The following CLNK variants were observed in gnomAD, a reference collection of about 807,000 sequenced individuals.
CLNK encodes cytokine-dependent hematopoietic cell linker.
Under a neutral mutation model 68.6 loss-of-function variants are expected in CLNK, and 74 were observed. That is an observed-to-expected ratio of 1.08 (90% confidence interval 0.89 to 1.31). CLNK has a LOEUF of 1.31. CLNK is among the 50% of genes most tolerant of loss of function. CLNK has a pLI of 0.00. For synonymous variants in CLNK, 198 were observed against 172.2 expected (o/e 1.15, Z -1.17); for missense variants, 553 against 515.3 (o/e 1.07, Z -0.71).
At chr4:10,538,305 T>C (rs1326273802) in intron 11 of CLNK, among the ~76,000 whole-genome samples, 1 of 152,196 alleles carries the variant, frequency 6.6e-6, no homozygotes. Context: ...AGTTTCTGTA[T>C]TTTTGTAGAG....
At position 10,490,464 on chromosome 4, in the gene CLNK, AG is replaced by A. The variant is rs578106001; in HGVS notation, c.*2del. 1.1e-4 allele frequency: 174 copies of A among 1,612,830 alleles called. No individual in the cohort carries two copies. In the African/African-American group the frequency reaches 1.8e-3, roughly 17 times the overall value. The stretch of plus-strand genomic sequence containing the variant: ...GTAAACCAAAGATAACACAAAGACC[AG>A]GCTACAGAGGCAAGAGGTGTCTGGT... On this transcript the variant is annotated 3_prime_UTR_variant, in exon 19 of 19. Transcript: ENST00000226951.
At chr4:10,646,353 A>G (rs767137478) in intron 2 of CLNK, among the ~76,000 whole-genome samples, 3 of 152,228 alleles carry the variant, frequency 2.0e-5, no homozygotes, top group Non-Finnish European at 2.9e-5. Flanking sequence ...TGTAAGGTTA[A>G]GGTTTATTTT....
At chr4:10,495,795 AGAGC>A (rs1435831081) in intron 18 of CLNK, among the ~76,000 whole-genome samples, 4 of 149,442 alleles carry the variant, frequency 2.7e-5, no homozygotes, top group Non-Finnish European at 5.9e-5. Context: ...GACCATAGAG[AGAGC>A]GATGAGGAGA....
intron 2 of CLNK, among the ~76,000 whole-genome samples, chr4:10,662,778 AG>A (rs1163787583): frequency 6.6e-6 from 1 of 152,254 alleles, no homozygotes; most frequent in Non-Finnish European, 1.5e-5. Context: ...GTAGCAAGTT[AG>A]TGCTGGGTGT....
intron 2 of CLNK, among the ~76,000 whole-genome samples, chr4:10,659,018 C>T (rs1261721206): frequency 6.6e-6 from 1 of 152,150 alleles, no homozygotes; most frequent in Non-Finnish European, 1.5e-5. Flanking sequence ...ACCCAGCCAA[C>T]ATGGTGAAAC....
chr4:10,637,072 G>T (rs923318927), intron 2 of CLNK, among the ~76,000 whole-genome samples: 3 of 152,202 alleles, frequency 2.0e-5, no homozygotes, highest in African/African-American at 7.2e-5. Context: ...TGCAGAGGCT[G>T]CTAAGAAGGA....
At chr4:10,534,079 G>A (rs1718652106) in intron 11 of CLNK, among the ~76,000 whole-genome samples, 1 of 152,138 alleles carries the variant, frequency 6.6e-6, no homozygotes, top group South Asian at 2.1e-4. Context: ...TGAGTTGGTT[G>A]AACATTTGTT....
chr4:10,731,772 C>A, the CLNK span, among the ~76,000 whole-genome samples: 1 of 152,178 alleles, frequency 6.6e-6, no homozygotes, highest in Non-Finnish European at 1.5e-5. Flanking sequence ...GTAGTAGTAT[C>A]AGTTACTGTT....
the CLNK span, among the ~76,000 whole-genome samples, chr4:10,698,097 G>C: frequency 6.6e-6 from 1 of 152,146 alleles, no homozygotes; most frequent in South Asian, 2.1e-4. Context: ...CTTTATGAGA[G>C]GTGAACATCC....
intron 2 of CLNK, among the ~76,000 whole-genome samples, chr4:10,664,674 T>C (rs1402681418): frequency 6.6e-6 from 1 of 152,212 alleles, no homozygotes; most frequent in Non-Finnish European, 1.5e-5. Context: ...GGCTGGGCTG[T>C]AGCAGCTGAG....
the CLNK span, among the ~76,000 whole-genome samples, chr4:10,721,934 T>C: frequency 2.6e-5 from 4 of 152,112 alleles, no homozygotes; most frequent in Non-Finnish European, 5.9e-5. Context: ...CCCAGCACTT[T>C]TAGAGGACAA....
intron 2 of CLNK, among the ~76,000 whole-genome samples, chr4:10,664,202 G>C (rs555172910): frequency 8.8e-5 from 13 of 148,292 alleles, no homozygotes; most frequent in Non-Finnish European, 1.5e-5. Flanking sequence ...ACTGGATGTA[G>C]ATTACATTCA....
chr4:10,573,479 C>A (rs571993122), intron 4 of CLNK, among the ~76,000 whole-genome samples: 3 of 152,284 alleles, frequency 2.0e-5, no homozygotes, highest in African/African-American at 7.2e-5. Context: ...CCACTGAGAT[C>A]CCTGGCAGAG....
intron 7 of CLNK, among the ~76,000 whole-genome samples, chr4:10,559,708 C>T (rs1043947285): frequency 2.6e-5 from 4 of 152,172 alleles, no homozygotes; most frequent in African/African-American, 7.2e-5. Context: ...ATTCCCCGGC[C>T]CAGGAATATT....
At chr4:10,528,206 T>C (rs1718399321) in intron 12 of CLNK, 112 bp from the exon 13 acceptor site, 2 of 440,130 alleles carry the variant, frequency 4.5e-6, no homozygotes, top group Admixed American at 4.5e-5. Flanking sequence ...GTAAAACTTT[T>C]GTTAGCATAG....
intron 1 of CLNK, among the ~76,000 whole-genome samples, chr4:10,679,849 T>C (rs1417658675): frequency 6.6e-6 from 1 of 152,072 alleles, no homozygotes; most frequent in African/African-American, 2.4e-5. Flanking sequence ...ATGGCGATCA[T>C]TAAAAAGTCA....
chr4:10,549,846 G>C (rs908482217), intron 8 of CLNK, among the ~76,000 whole-genome samples: 2 of 152,180 alleles, frequency 1.3e-5, no homozygotes, highest in Non-Finnish European at 2.9e-5. Context: ...TCTCCACCTG[G>C]TGGTCATAAC....
intron 2 of CLNK, among the ~76,000 whole-genome samples, chr4:10,640,660 A>G (rs767315516): frequency 1.3e-5 from 2 of 152,212 alleles, no homozygotes; most frequent in African/African-American, 2.4e-5. Flanking sequence ...TATTACTCAA[A>G]TCACCAGACT....
chr4:10,571,845 G>A, intron 4 of CLNK, 67 bp from the exon 5 acceptor site: 1 of 1,261,880 alleles, frequency 7.9e-7, no homozygotes, highest in East Asian at 2.3e-5. Context: ...AAAAAGACTG[G>A]GCCCTTGTTT....
Sources: allele counts gnomAD v4.1 joint callset (sites outside exome capture counted in the v4.1 genomes callset), GRCh38; gene constraint gnomAD v4.1.1; transcripts MANE v1.5; gene names NCBI Gene and HGNC (gene_info 2026-07-23, HGNC 2026-07-21).